MARCHF1: variants seen among roughly 807,000 people sequenced by gnomAD.
MARCHF1 encodes the protein E3 ubiquitin-protein ligase MARCHF1.
Under a neutral mutation model 54.2 loss-of-function variants are expected in MARCHF1, and 40 were observed. That is an observed-to-expected ratio of 0.74 (90% CI 0.57 to 0.96). The LOEUF (loss-of-function observed/expected upper bound fraction) is 0.96. Among genes scored for constraint, MARCHF1 ranks in the 40% least tolerant of loss-of-function variants. MARCHF1 has a pLI of 0.00. For synonymous variants in MARCHF1, 236 were observed against 236.3 expected (o/e 1.00, Z 0.01); for missense variants, 586 against 656.5 (o/e 0.89, Z 1.17).
At chr4:164,259,544 C>CAAAAAAAAAAAAAA (rs141030578) in intron 1 of MARCHF1, among the ~76,000 whole-genome samples, 40 of 58,692 alleles carry the variant, frequency 6.8e-4, no homozygotes, top group Non-Finnish European at 7.8e-4. Context: ...GACCGTGTCT[C>CAAAAAAAAAAAAAA]AAAAAAAAAA....
chr4:164,083,104 C>G (rs1332484195), intron 2 of MARCHF1, among the ~76,000 whole-genome samples: 1 of 152,052 alleles, frequency 6.6e-6, no homozygotes, highest in Non-Finnish European at 1.5e-5. Flanking sequence ...TTTCTTAGAG[C>G]ACATGGCATT....
intron 5 of MARCHF1, among the ~76,000 whole-genome samples, chr4:163,619,509 C>T (rs1414131469): frequency 6.6e-6 from 1 of 152,038 alleles, no homozygotes. Context: ...TACCAGACAT[C>T]TAAATGTAGT....
intron 2 of MARCHF1, among the ~76,000 whole-genome samples, chr4:164,035,009 A>G (rs1753962872): frequency 6.6e-6 from 1 of 152,182 alleles, no homozygotes; most frequent in Non-Finnish European, 1.5e-5. Context: ...ACTGCTAAAC[A>G]CATGTAATGT....
At chr4:164,278,223 T>C (rs1399923199) in intron 1 of MARCHF1, among the ~76,000 whole-genome samples, 4 of 152,102 alleles carry the variant, frequency 2.6e-5, no homozygotes, top group Admixed American at 6.6e-5. Flanking sequence ...GGTGGAAGAA[T>C]AGCTTGAGTC....
chr4:163,721,742 C>A (rs1344819185), intron 4 of MARCHF1, among the ~76,000 whole-genome samples: 2 of 152,108 alleles, frequency 1.3e-5, no homozygotes, highest in Non-Finnish European at 2.9e-5. Context: ...TCAACTTCTT[C>A]CTGGTTTAGT....
intron 4 of MARCHF1, among the ~76,000 whole-genome samples, chr4:163,733,177 GTATATATATATATATATATA>G (rs1169850987): frequency 0.038 from 669 of 17,540 alleles, 74 homozygotes; most frequent in Non-Finnish European, 0.049. Context: ...CTGTATGTGT[GTATATATATATATATATATA>G]TATATATATA....
At chr4:164,087,748 T>G (rs1755219640) in intron 2 of MARCHF1, among the ~76,000 whole-genome samples, 1 of 151,882 alleles carries the variant, frequency 6.6e-6, no homozygotes, top group Admixed American at 6.6e-5. Flanking sequence ...GCCCTCTTGG[T>G]CTCATCAAGG....
At chr4:163,803,102 C>T (rs1470304802) in intron 4 of MARCHF1, among the ~76,000 whole-genome samples, 2 of 152,166 alleles carry the variant, frequency 1.3e-5, no homozygotes, top group African/African-American at 4.8e-5. Context: ...CACACGGTTA[C>T]ACACATCATT....
rs77824872 is a variant in MARCHF1, at chr4:164,167,701, T to C, written c.-322-56039A>G. Among the ~76,000 whole-genome samples, 89 of 151,898 alleles carry C rather than the reference T, an allele frequency of 5.9e-4. 1 individual carries two copies. In the East Asian group the frequency reaches 0.016, roughly 28 times the overall value. On this transcript the variant is annotated intron_variant, in intron 1 of 9. Transcript: ENST00000514618. The stretch of plus-strand genomic sequence containing the variant: ...GAACAATAATCTCTTCAATAAATGG[T>C]CTTAGAAAACTGAATTTCCACCTGC...
intron 1 of MARCHF1, among the ~76,000 whole-genome samples, chr4:164,161,989 A>T (rs1008598887): frequency 1.3e-5 from 2 of 152,170 alleles, no homozygotes; most frequent in African/African-American, 4.8e-5. Context: ...TGAAGCTCCA[A>T]GGCATATAAT....
At chr4:163,901,679 C>A (rs1291766004) in intron 3 of MARCHF1, among the ~76,000 whole-genome samples, 2 of 152,160 alleles carry the variant, frequency 1.3e-5, no homozygotes, top group Non-Finnish European at 2.9e-5. Context: ...AGATTTACAG[C>A]AGGAATGACA....
intron 5 of MARCHF1, among the ~76,000 whole-genome samples, chr4:163,677,174 G>C (rs563664875): frequency 8.5e-5 from 13 of 152,084 alleles, no homozygotes; most frequent in Non-Finnish European, 1.6e-4. Flanking sequence ...TGATCAAGCA[G>C]ACAAAAAATA....
Position 163,612,238 on chromosome 4 carries a change from G to A in MARCHF1, c.1010+33C>T, listed in dbSNP as rs546952147. Reference sequence around the variant, plus strand: ...CTCACTGCAAAAAGAACTATATATGGATGACATCAAGCCTTTCTCTACAGT... The same window carrying A: ...CTCACTGCAAAAAGAACTATATATGAATGACATCAAGCCTTTCTCTACAGT... On this transcript the variant is annotated intron_variant, in intron 7 of 9. Transcript: ENST00000514618. The A allele has an allele frequency of 1.8e-4, 258 of 1,448,394 alleles. 1 individual carries two copies. The African/African-American group carries it at 3.5e-3, about 20-fold the overall frequency. 89.7% of individuals were successfully genotyped at this position (1,448,394 alleles called of 1,614,324 possible). A position where few individuals can be genotyped will look rare whatever the true frequency, so the allele number is the denominator to read the frequency against.
chr4:164,379,737 G>A (rs1289679287), intron 1 of MARCHF1, among the ~76,000 whole-genome samples: 1 of 152,066 alleles, frequency 6.6e-6, no homozygotes, highest in African/African-American at 2.4e-5. Flanking sequence ...TGTAATCTCA[G>A]CACTTTGGGA....
chr4:163,648,726 C>T (rs1023179499), intron 5 of MARCHF1, among the ~76,000 whole-genome samples: 7 of 148,734 alleles, frequency 4.7e-5, no homozygotes, highest in South Asian at 4.2e-4. Flanking sequence ...AAAATAACAG[C>T]GTATATATAA....
chr4:164,262,737 C>T lies in MARCHF1; in HGVS notation c.-323+121133G>A, dbSNP rs184805071. Among the ~76,000 whole-genome samples the T allele has an allele frequency of 1.4e-3, 208 of 152,112 alleles. 1 individual carries two copies. The highest frequency in any genetic ancestry group is 4.8e-3 in the African/African-American group (198 of 41,506). ...CTGACAGTGGGAAATGCACTGGAGA[C>T]GATGATTGGCAAAGCCCTCCTTTTC... On this transcript the variant is annotated intron_variant, in intron 1 of 9. Coordinates refer to ENST00000514618, the MANE Select transcript of MARCHF1 (RefSeq NM_001394959.1).
At chr4:163,564,853 C>T (rs575678381) in intron 8 of MARCHF1, among the ~76,000 whole-genome samples, 41 of 151,448 alleles carry the variant, frequency 2.7e-4, no homozygotes, top group Admixed American at 9.8e-4. Context: ...CACTCAGCAG[C>T]GCAGATCTCT....
At chr4:163,770,221 A>ATT (rs1490004405) in intron 4 of MARCHF1, among the ~76,000 whole-genome samples, 1 of 152,148 alleles carries the variant, frequency 6.6e-6, no homozygotes, top group Admixed American at 6.5e-5. Flanking sequence ...TTATACAGAA[A>ATT]TTTTTGACTG....
chr4:163,664,677 A>G (rs569263383), intron 5 of MARCHF1, among the ~76,000 whole-genome samples: 1 of 152,204 alleles, frequency 6.6e-6, no homozygotes, highest in East Asian at 1.9e-4. Context: ...TGGACACATT[A>G]TATATAGGGC....
Sources: gnomAD v4.1 joint callset for allele counts (sites outside exome capture counted in the v4.1 genomes callset) on GRCh38, gnomAD v4.1.1 for gene constraint, MANE v1.5 for transcripts, NCBI Gene and HGNC (gene_info 2026-07-23, HGNC 2026-07-21) for gene names.